Variants in DCDC2 observed in about 807,000 individuals in gnomAD.
DCDC2 encodes doublecortin domain containing 2, also known as doublecortin domain-containing protein 2.
A neutral mutation model predicts 50.2 loss-of-function variants in DCDC2; 40 were observed. The ratio of observed to expected loss-of-function variants is 0.80; its 90% CI spans 0.62 to 1.04. The LOEUF (loss-of-function observed/expected upper bound fraction) is 1.04, where lower values mean the gene tolerates loss of function less well. Ranked by LOEUF, DCDC2 falls within the 50% of genes least tolerant of loss-of-function variation. The pLI, the probability that DCDC2 is intolerant of heterozygous loss-of-function variation, is 0.00. For missense variants in DCDC2, 570 were observed against 581.9 expected (o/e 0.98, Z 0.21); for synonymous variants, 234 against 210.6 (o/e 1.11, Z -0.96).
At chr6:24,249,523 T>C (rs1762754841) in intron 7 of DCDC2, among the ~76,000 whole-genome samples, 1 of 152,246 alleles carries the variant, frequency 6.6e-6, no homozygotes, top group Non-Finnish European at 1.5e-5. Context: ...AGTTTCAAGA[T>C]AAGGCAGCGA....
intron 2 of DCDC2, among the ~76,000 whole-genome samples, chr6:24,340,528 T>C (rs1299717111): frequency 1.3e-5 from 2 of 152,156 alleles, no homozygotes; most frequent in Non-Finnish European, 2.9e-5. Context: ...ATATTTTTAA[T>C]TGACACTTCT....
chr6:24,375,480 A>G, the DCDC2 span, among the ~76,000 whole-genome samples: 1 of 152,148 alleles, frequency 6.6e-6, no homozygotes, highest in Non-Finnish European at 1.5e-5. Flanking sequence ...GTGGTAGACT[A>G]GGAGATACGT....
rs1364036439 is a variant in DCDC2 at position 24,204,985 on chromosome 6, T to C, written c.1023+17A>G. On this transcript the variant is annotated intron_variant, in intron 8 of 9. Coordinates refer to ENST00000378454, the MANE Select transcript of DCDC2 (RefSeq NM_016356.5). ...CTATAATTGTCTTACACATATTTTT[T>C]AAGGCATGGAGATTACCTGATCGAC... 1 of 1,601,982 alleles carries C rather than the reference T, an allele frequency of 6.2e-7. No homozygotes were observed. Among genetic ancestry groups the C allele is most frequent in the African/African-American group, 1.3e-5 (1 of 74,332 alleles).
chr6:24,278,097 T>A lies in DCDC2; in HGVS notation c.874A>T (p.Lys292Ter). 6.2e-7 allele frequency: 1 copy of A among 1,613,786 alleles called. No individual in the cohort carries two copies. The highest frequency in any genetic ancestry group is 8.5e-7 in the Non-Finnish European group (1 of 1,179,818). Residue 292 changes from lysine to a stop codon, truncating the protein, a stop_gained, in exon 7 of 10, where the codon AAA becomes TAA. Coordinates refer to ENST00000378454, the MANE Select transcript of DCDC2 (RefSeq NM_016356.5). LOFTEE classifies it high-confidence loss of function. Reference sequence around the variant, plus strand: ...GAATTCTTTAATTTTACATTTTGTTTCAATTTCGTCAGTTTTTCTGAATTC... The same window carrying A: ...GAATTCTTTAATTTTACATTTTGTTACAATTTCGTCAGTTTTTCTGAATTC... ...DVNSEKLTKL[K>*]QNVKLKNSQE...
chr6:24,290,612 T>C (rs917262367), intron 5 of DCDC2, among the ~76,000 whole-genome samples: 3 of 152,174 alleles, frequency 2.0e-5, no homozygotes, highest in Non-Finnish European at 2.9e-5. Context: ...AAACTTCTAA[T>C]AATGTTTGCT....
At chr6:24,176,081 C>T (rs1581567354) in intron 9 of DCDC2, among the ~76,000 whole-genome samples, 2 of 151,896 alleles carry the variant, frequency 1.3e-5, no homozygotes, top group East Asian at 1.9e-4. Context: ...TCGCTTGAGT[C>T]CAGGAGTTAA....
chr6:24,236,056 CTG>C (rs1762434598), intron 7 of DCDC2, among the ~76,000 whole-genome samples: 1 of 151,994 alleles, frequency 6.6e-6, no homozygotes, highest in Non-Finnish European at 1.5e-5. Flanking sequence ...CCATTTCTGT[CTG>C]ACATCATTTT....
At chr6:24,262,690 C>T (rs1295478211) in intron 7 of DCDC2, among the ~76,000 whole-genome samples, 1 of 152,078 alleles carries the variant, frequency 6.6e-6, no homozygotes, top group Non-Finnish European at 1.5e-5. Flanking sequence ...GATAGGGTGC[C>T]AGGCAGAGCC....
upstream of DCDC2, among the ~76,000 whole-genome samples, chr6:24,361,180 C>T (rs770389386): frequency 3.3e-5 from 5 of 151,896 alleles, no homozygotes; most frequent in Non-Finnish European, 7.4e-5. Context: ...AACAAAAAAC[C>T]AAATACCCGC....
chr6:24,277,197 C>T (rs1763378385), intron 7 of DCDC2, among the ~76,000 whole-genome samples: 1 of 150,368 alleles, frequency 6.7e-6, no homozygotes, highest in South Asian at 2.1e-4. Context: ...GAAGGTAAGG[C>T]TTTGCCCATT....
At chr6:24,359,480 T>TA (rs1554121895), upstream of DCDC2, among the ~76,000 whole-genome samples, 11 of 6,524 alleles carry the variant, frequency 1.7e-3, no homozygotes, top group East Asian at 0.038. Context: ...AATATATATT[T>TA]TATATATAAT....
At chr6:24,179,818 G>A (rs1761021351) in intron 8 of DCDC2, among the ~76,000 whole-genome samples, 2 of 151,432 alleles carry the variant, frequency 1.3e-5, no homozygotes, top group Admixed American at 1.3e-4. Flanking sequence ...GCCAGGCGTG[G>A]TGGTGGGCAC....
chr6:24,254,704 C>T (rs1051162164), intron 7 of DCDC2, among the ~76,000 whole-genome samples: 9 of 151,988 alleles, frequency 5.9e-5, no homozygotes, highest in Non-Finnish European at 1.5e-5. Context: ...AAAACCATCA[C>T]GTAACAAAAA....
chr6:24,339,939 T>G (rs918345207), intron 2 of DCDC2, among the ~76,000 whole-genome samples: 17 of 152,216 alleles, frequency 1.1e-4, no homozygotes, highest in Non-Finnish European at 1.9e-4. Flanking sequence ...GATGGAAAAT[T>G]ATCATTTGAA....
intron 9 of DCDC2, 68 bp downstream of exon 9, chr6:24,178,262 T>C (rs929868382): frequency 1.3e-6 from 2 of 1,483,494 alleles, no homozygotes; most frequent in African/African-American, 2.8e-5. Flanking sequence ...ATTAATTCTC[T>C]GAATGCACGC....
intron 2 of DCDC2, among the ~76,000 whole-genome samples, chr6:24,344,980 G>A (rs1458215978): frequency 1.3e-5 from 2 of 152,134 alleles, no homozygotes; most frequent in Non-Finnish European, 2.9e-5. Flanking sequence ...GCAAAAGTGT[G>A]TTTTATTTTC....
intron 8 of DCDC2, among the ~76,000 whole-genome samples, chr6:24,201,446 GA>G (rs1761585521): frequency 6.6e-6 from 1 of 152,116 alleles, no homozygotes; most frequent in Admixed American, 6.6e-5. Context: ...TAAGCAATTT[GA>G]AACCAATGAG....
chr6:24,359,114 ATTATATATATTATATATT>A (rs1760578394), upstream of DCDC2, among the ~76,000 whole-genome samples: 1 of 56,356 alleles, frequency 1.8e-5, no homozygotes, highest in Non-Finnish European at 2.7e-5. Flanking sequence ...TATATTATAT[ATTATATATATTATATATT>A]TTATATATAT....
intron 2 of DCDC2, among the ~76,000 whole-genome samples, chr6:24,324,180 AGAT>A (rs1235544788): frequency 3.4e-3 from 147 of 43,130 alleles, no homozygotes; most frequent in Middle Eastern, 0.029. Flanking sequence ...CACCTGATGT[AGAT>A]ACAGAAGAAT....
Sources: gnomAD v4.1 joint callset for allele counts (sites outside exome capture counted in the v4.1 genomes callset) on GRCh38, gnomAD v4.1.1 for gene constraint, MANE v1.5 for transcripts, NCBI Gene and HGNC (gene_info 2026-07-23, HGNC 2026-07-21) for gene names.